The following GOLM1 variants were observed in gnomAD, a reference collection of about 807,000 sequenced individuals.
The protein encoded by GOLM1 is golgi membrane protein 1, also known as epididymis luminal protein 46.
In GOLM1, 31 loss-of-function variants were observed where a neutral mutation model predicts 50.5. The ratio of observed to expected loss-of-function variants is 0.61; its 90% CI spans 0.46 to 0.83. The LOEUF (loss-of-function observed/expected upper bound fraction) is 0.83. Ranked by LOEUF, GOLM1 falls within the 40% of genes least tolerant of loss-of-function variation. The probability of loss-of-function intolerance (pLI) is 0.00; values close to 1 mark genes in which losing one functional copy is unlikely to be tolerated. For synonymous variants in GOLM1, 178 were observed against 192.8 expected (o/e 0.92, Z 0.64); for missense variants, 491 against 501.3 (o/e 0.98, Z 0.20).
intron 7 of GOLM1, 58 bp downstream of exon 7, chr9:86,036,290 C>CT (rs1833142617): frequency 6.3e-7 from 1 of 1,577,740 alleles, no homozygotes; most frequent in African/African-American, 1.3e-5. Flanking sequence ...GCTGGGACTG[C>CT]TTCCTCTGAT....
At chr9:86,088,420 G>GTACATATATATATATATATATATATA (rs1554675516) in intron 1 of GOLM1, among the ~76,000 whole-genome samples, 3 of 86,306 alleles carry the variant, frequency 3.5e-5, no homozygotes, top group Non-Finnish European at 2.1e-5. Flanking sequence ...TTTGAAGGGT[G>GTACATATATATATATATATATATATA]TATATATATA....
At chr9:86,056,750 C>T (rs796267271) in intron 3 of GOLM1, among the ~76,000 whole-genome samples, 52 of 152,064 alleles carry the variant, frequency 3.4e-4, no homozygotes, top group Admixed American at 1.0e-3. Flanking sequence ...GTGATCTGCT[C>T]GCCTTGGCCT....
At chr9:86,069,590 C>T (rs1834392907) in intron 3 of GOLM1, among the ~76,000 whole-genome samples, 1 of 152,214 alleles carries the variant, frequency 6.6e-6, no homozygotes, top group Admixed American at 6.5e-5. Flanking sequence ...CATTAATACT[C>T]TAGCCAGTGG....
At chr9:86,090,037 G>A (rs1489847380) in intron 1 of GOLM1, among the ~76,000 whole-genome samples, 2 of 152,104 alleles carry the variant, frequency 1.3e-5, no homozygotes, top group Non-Finnish European at 2.9e-5. Context: ...TTTGCTGGAG[G>A]TCCACTCCAG....
intron 9 of GOLM1, among the ~76,000 whole-genome samples, chr9:86,031,706 C>T (rs953348716): frequency 1.3e-5 from 2 of 151,802 alleles, no homozygotes; most frequent in Non-Finnish European, 2.9e-5. Flanking sequence ...AGGTGATCCA[C>T]CATCCTCGGC....
chr9:86,089,424 T>C (rs1367618851), intron 1 of GOLM1, among the ~76,000 whole-genome samples: 2 of 152,212 alleles, frequency 1.3e-5, no homozygotes, highest in South Asian at 2.1e-4. Context: ...TTTCACATAG[T>C]TCCATATTTG....
In GOLM1 at chr9:86,027,489, A is replaced by G; in HGVS notation, c.*328T>C. ...CTTCTATAGGTGGCTGTTAATTTAC[A>G]CAAAGTTATATTCCAGAATCAGGAA... On this transcript the variant is annotated 3_prime_UTR_variant, in exon 10 of 10. Coordinates refer to ENST00000388712, the MANE Select transcript of GOLM1 (RefSeq NM_016548.4). The G allele has an allele frequency of 9.0e-7, 1 of 1,112,832 alleles. No individual in the cohort carries two copies. The highest frequency in any genetic ancestry group is 1.1e-6 in the Non-Finnish European group (1 of 910,678). The allele number at this position is 1,112,832 out of a possible 1,614,324, so 68.9% of individuals were successfully genotyped here.
intron 9 of GOLM1, among the ~76,000 whole-genome samples, chr9:86,029,041 T>C (rs2118599638): frequency 6.6e-6 from 1 of 151,980 alleles, no homozygotes; most frequent in South Asian, 2.1e-4. Flanking sequence ...GTAGTTTTAG[T>C]AGAGGCGGGT....
chr9:86,094,858 C>T (rs959179883), intron 1 of GOLM1, among the ~76,000 whole-genome samples: 4 of 152,082 alleles, frequency 2.6e-5, no homozygotes, highest in African/African-American at 7.2e-5. Context: ...CCAAGGCAGG[C>T]GGATCACCTG....
rs7046093 is a variant in GOLM1 at position 86,035,114 on chromosome 9, T to C, written c.1015+254A>G. 0.77 allele frequency: 756,630 copies of C among 985,062 alleles called. 291,971 individuals carry two copies. Among genetic ancestry groups the C allele is most frequent in the African/African-American group, 0.96 (54,835 of 57,320 alleles). 61.0% of individuals were successfully genotyped at this position (985,062 alleles called of 1,614,324 possible). On this transcript the variant is annotated intron_variant, in intron 8 of 9. Transcript: ENST00000388712. ...ATGCTAAGCACCCATCTGCAGGCCA[T>C]CCACTTGCAAGGTCCCCTCGACTCC...
chr9:86,092,568 G>A (rs1354045973), intron 1 of GOLM1, among the ~76,000 whole-genome samples: 1 of 152,232 alleles, frequency 6.6e-6, no homozygotes, highest in Non-Finnish European at 1.5e-5. Flanking sequence ...TGGCTGGCCA[G>A]GAAGGTGAGC....
chr9:86,047,283 A>G (rs1833578774), intron 4 of GOLM1, among the ~76,000 whole-genome samples: 1 of 152,200 alleles, frequency 6.6e-6, no homozygotes, highest in Non-Finnish European at 1.5e-5. Context: ...AGTGGGCGGC[A>G]GCAGCAGCCA....
intron 3 of GOLM1, among the ~76,000 whole-genome samples, chr9:86,061,932 C>T (rs959215626): frequency 2.0e-5 from 3 of 152,136 alleles, no homozygotes; most frequent in South Asian, 2.1e-4. Context: ...GGCAGAAAGG[C>T]GGGTCTGGAC....
intron 3 of GOLM1, among the ~76,000 whole-genome samples, chr9:86,060,876 CAAAAAAAAAAAAAAAAAAAAAAAA>C (rs753183065): frequency 6.0e-4 from 12 of 19,910 alleles, no homozygotes; most frequent in Non-Finnish European, 1.2e-3. Context: ...GAAACTCTCT[CAAAAAAAAAAAAAAAAAAAAAAAA>C]AAAAAAAAAA....
At chr9:86,083,679 T>C (rs904802976) in intron 1 of GOLM1, among the ~76,000 whole-genome samples, 3 of 152,238 alleles carry the variant, frequency 2.0e-5, no homozygotes, top group South Asian at 2.1e-4. Flanking sequence ...TGAGCCACCA[T>C]GCCCAGCCAG....
Position 86,091,706 on chromosome 9 carries a change from T to C in GOLM1, c.-22+7705A>G, listed in dbSNP as rs570873831. Among the ~76,000 whole-genome samples the C allele has an allele frequency of 2.0e-5, 3 of 152,308 alleles. No homozygotes were observed. The South Asian group carries it at 6.2e-4, about 32-fold the overall frequency. ...CCGAGTAGGCACATGCTGCCGCACA[T>C]GGCTTGACAAAATACTTTTAGATGT... is the stretch of plus-strand genomic sequence containing the variant. On this transcript the variant is annotated intron_variant, in intron 1 of 9. Transcript: ENST00000388712.
intron 1 of GOLM1, chr9:86,079,821 G>A (rs987125345): frequency 2.0e-5 from 3 of 152,358 alleles, no homozygotes; most frequent in East Asian, 3.8e-4. Flanking sequence ...ACTCCTCAGA[G>A]AGAGCTTTTT....
At chr9:86,058,091 G>A (rs1587717037) in intron 3 of GOLM1, among the ~76,000 whole-genome samples, 1 of 152,132 alleles carries the variant, frequency 6.6e-6, no homozygotes, top group African/African-American at 2.4e-5. Context: ...TAGTAACCTA[G>A]GAATGACATA....
chr9:86,054,454 C>G (rs1425853252), intron 3 of GOLM1, among the ~76,000 whole-genome samples: 1 of 152,098 alleles, frequency 6.6e-6, no homozygotes, highest in Non-Finnish European at 1.5e-5. Context: ...AAACTTCTGA[C>G]CTCAAGTGAT....
Sources: allele counts gnomAD v4.1 joint callset (sites outside exome capture counted in the v4.1 genomes callset), GRCh38; gene constraint gnomAD v4.1.1; transcripts MANE v1.5; gene names NCBI Gene and HGNC (gene_info 2026-07-23, HGNC 2026-07-21).